Variants in CCER2 observed in about 807,000 individuals in gnomAD.
CCER2 encodes coiled-coil domain-containing glutamate-rich protein 2.
A neutral mutation model predicts 27.1 loss-of-function variants in CCER2; 20 were observed. The observed-to-expected ratio is 0.74, with a 90% confidence interval of 0.52 to 1.07. The LOEUF is 1.07. CCER2 is among the 50% of genes least tolerant of loss of function. The pLI, the probability that CCER2 is intolerant of heterozygous loss-of-function variation, is 0.00. For missense variants in CCER2, 351 were observed against 344.7 expected (o/e 1.02, Z -0.14); for synonymous variants, 140 against 144.3 (o/e 0.97, Z 0.21).
chr19:38,909,126 T>C lies in CCER2; in HGVS notation c.*110A>G. ...GTGGTTCCAAGGCACGTCCGCCTCC[T>C]CCCCTGTTTGGGTAGGGGTGGCGTG... On this transcript the variant is annotated 3_prime_UTR_variant, in exon 5 of 5. Coordinates refer to ENST00000571838, the MANE Select transcript of CCER2 (RefSeq NM_001243212.2). 8.3e-7 allele frequency: 1 copy of C among 1,209,002 alleles called. No individual in the cohort carries two copies. The highest frequency in any genetic ancestry group is 1.2e-6 in the Non-Finnish European group (1 of 863,814). The allele number at this position is 1,209,002 out of a possible 1,614,324, so 74.9% of individuals were successfully genotyped here.
At chr19:38,911,418 T>G (rs1600157055) in intron 3 of CCER2, 148 bp downstream of exon 3, 14 of 714,312 alleles carry the variant, frequency 2.0e-5, no homozygotes, top group Non-Finnish European at 3.2e-5. Flanking sequence ...GCCCCGCTGG[T>G]CCAGGCAACA....
Position 38,909,244 on chromosome 19 carries a change from C to T in CCER2, c.793G>A (p.Glu265Lys), listed in dbSNP as rs1974252155. ...TETLGEQLRR[E>K]G ...AGGGACTGAGGTAGGGGTCAGCCCTCCCTCCTGAGCTGCTCCCCCAGCGTC... is the reference window on the plus strand; with the variant it reads ...AGGGACTGAGGTAGGGGTCAGCCCTTCCTCCTGAGCTGCTCCCCCAGCGTC... Residue 265 changes from glutamate to lysine, a missense_variant, in exon 5 of 5, where the codon GAG (glutamate) becomes AAG (lysine). Coordinates refer to ENST00000571838, the MANE Select transcript of CCER2 (RefSeq NM_001243212.2). 1.3e-6 allele frequency: 2 copies of T among 1,535,212 alleles called. No individual in the cohort carries two copies. Among genetic ancestry groups the T allele is most frequent in the African/African-American group, 1.4e-5 (1 of 73,034 alleles).
rs778971806 is a variant in CCER2, at chr19:38,910,906, C to A, written c.368G>T (p.Arg123Leu). 20 of 1,515,002 alleles carry A rather than the reference C, an allele frequency of 1.3e-5. No individual in the cohort carries two copies. The highest frequency in any genetic ancestry group is 1.8e-5 in the Non-Finnish European group (20 of 1,136,438). The allele number at this position is 1,515,002 out of a possible 1,614,324, so 93.8% of individuals were successfully genotyped here. ...GTGGAGCTGGCGATGCCCTTGCATG[C>A]GGATGGCTTGTTCCTGGACCTCAGA... ...HKSEVQEQAI[R>L]MQGHRQLHQE... The change falls in exon 4 of 5, where the codon CGC (arginine) becomes CTC (leucine). Residue 123 changes from arginine to leucine, a missense_variant. Transcript: ENST00000571838.
intron 4 of CCER2, 122 bp from the exon 5 acceptor site, chr19:38,909,447 G>T: frequency 1.1e-6 from 1 of 901,736 alleles, no homozygotes; most frequent in Non-Finnish European, 1.7e-6. Flanking sequence ...TCTGATCGTC[G>T]TGGACCGCGA....
At chr19:38,911,685 G>C in intron 2 of CCER2, 32 bp from the exon 3 acceptor site, 1 of 1,532,648 alleles carries the variant, frequency 6.5e-7, no homozygotes, top group Non-Finnish European at 8.7e-7. Context: ...TCAGAGGGGA[G>C]GTTGAGGGCA....
In CCER2 at chr19:38,909,028, A is replaced by T; in HGVS notation, c.*208T>A. ...CTCAGAAGGGTTGGAGTGGGAGTGC[A>T]TAGGTGTGGGGGTGCTTCCTGTGTC... On this transcript the variant is annotated 3_prime_UTR_variant, in exon 5 of 5. Coordinates refer to ENST00000571838, the MANE Select transcript of CCER2 (RefSeq NM_001243212.2). The T allele has an allele frequency of 2.1e-6, 2 of 971,310 alleles. No individual in the cohort carries two copies. Among genetic ancestry groups the T allele is most frequent in the Non-Finnish European group, 3.0e-6 (2 of 670,074 alleles). 60.2% of individuals were successfully genotyped at this position (971,310 alleles called of 1,614,324 possible). A position where few individuals can be genotyped will look rare whatever the true frequency, so the allele number is the denominator to read the frequency against.
At chr19:38,911,693 G>T in intron 2 of CCER2, 40 bp from the exon 3 acceptor site, 2 of 1,529,866 alleles carry the variant, frequency 1.3e-6, no homozygotes, top group Non-Finnish European at 1.8e-6. Context: ...GAGGTTGAGG[G>T]CAGGGGAGAT....
At chr19:38,909,538 T>C (rs565707714) in intron 4 of CCER2, among the ~76,000 whole-genome samples, 97 of 152,258 alleles carry the variant, frequency 6.4e-4, no homozygotes, top group African/African-American at 2.1e-3. Flanking sequence ...AGCTTGGCAC[T>C]GGCAAAGGTG....
chr19:38,911,136 C>A, intron 3 of CCER2, 53 bp from the exon 4 acceptor site: 42 of 1,391,428 alleles, frequency 3.0e-5, no homozygotes, highest in Non-Finnish European at 3.9e-5. Context: ...AAACTGAGGC[C>A]GAGTATGGAG....
At chr19:38,911,976 G>A (rs1361668531) in intron 1 of CCER2, 122 bp downstream of exon 1, 3 of 1,464,746 alleles carry the variant, frequency 2.0e-6, no homozygotes, top group Non-Finnish European at 2.7e-6. Context: ...CGGGTGTACT[G>A]TCCCCCGCTG....
intron 1 of CCER2, 89 bp from the exon 2 acceptor site, chr19:38,911,941 C>T: frequency 6.6e-7 from 1 of 1,505,768 alleles, no homozygotes. Flanking sequence ...CCGGTCCCCA[C>T]ACATCCCCTC....
At position 38,910,845 on chromosome 19, in the gene CCER2, C is replaced by T; in HGVS notation, c.429G>A (p.Arg143=). The T allele has an allele frequency of 1.3e-6, 2 of 1,527,430 alleles. No homozygotes were observed. Among genetic ancestry groups the T allele is most frequent in the South Asian group, 2.4e-5 (2 of 82,296 alleles). The allele number at this position is 1,527,430 out of a possible 1,614,324, so 94.6% of individuals were successfully genotyped here. The change falls in exon 4 of 5, where the codon AGG becomes AGA. Residue 143 remains arginine, a synonymous_variant. Transcript: ENST00000571838. ...CAAAGGTCTCCATGGGCCCCCTCTTCCTCTCCTCCTTCTCCTCCTCCTCGT... is the reference window on the plus strand; with the variant it reads ...CAAAGGTCTCCATGGGCCCCCTCTTTCTCTCCTCCTTCTCCTCCTCCTCGT... ...EEDEEEEKEE[R]KRGPMETFED... is the part of the protein sequence containing the mutation.
In CCER2 at chr19:38,910,905, G is replaced by A. The variant is rs1398635989; in HGVS notation, c.369C>T (p.Arg123=). Residue 123 remains arginine (R), a synonymous_variant, in exon 4 of 5, where the codon CGC becomes CGT. Coordinates refer to ENST00000571838, the MANE Select transcript of CCER2 (RefSeq NM_001243212.2). ...GGTGGAGCTGGCGATGCCCTTGCATGCGGATGGCTTGTTCCTGGACCTCAG... is the reference window on the plus strand; with the variant it reads ...GGTGGAGCTGGCGATGCCCTTGCATACGGATGGCTTGTTCCTGGACCTCAG... The part of the protein sequence containing the change: ...HKSEVQEQAI[R]MQGHRQLHQE... 6.6e-7 allele frequency: 1 copy of A among 1,515,756 alleles called. No homozygotes were observed. The highest frequency in any genetic ancestry group is 1.3e-5 in the South Asian group (1 of 79,720). 93.9% of individuals were successfully genotyped at this position (1,515,756 alleles called of 1,614,324 possible).
At chr19:38,912,039 C>G in intron 1 of CCER2, 59 bp downstream of exon 1, 1 of 1,512,714 alleles carries the variant, frequency 6.6e-7, no homozygotes, top group Non-Finnish European at 8.8e-7. Context: ...CCCCCTCCCA[C>G]TGGAGTCCCC....
chr19:38,911,730 C>A, intron 2 of CCER2, 77 bp from the exon 3 acceptor site: 1 of 1,525,984 alleles, frequency 6.6e-7, no homozygotes, highest in Non-Finnish European at 8.8e-7. Context: ...GGTTTGAGGG[C>A]AATGAGGATC....
At position 38,909,228 on chromosome 19, in the gene CCER2, G is replaced by A. The variant is rs1568418426; in HGVS notation, c.*8C>T. ...TGTGTCAGGAGGAAGGAGGGACTGAGGTAGGGGTCAGCCCTCCCTCCTGAG... is the reference window on the plus strand; with the variant it reads ...TGTGTCAGGAGGAAGGAGGGACTGAAGTAGGGGTCAGCCCTCCCTCCTGAG... On this transcript the variant is annotated 3_prime_UTR_variant, in exon 5 of 5. Transcript: ENST00000571838. 1.0e-5 allele frequency: 16 copies of A among 1,534,924 alleles called. No homozygotes were observed. The highest frequency in any genetic ancestry group is 1.4e-5 in the Non-Finnish European group (16 of 1,146,350).
At chr19:38,912,010 C>T in intron 1 of CCER2, 88 bp downstream of exon 1, 1 of 1,487,702 alleles carries the variant, frequency 6.7e-7, no homozygotes, top group South Asian at 1.3e-5. Context: ...TGAAGCCTCT[C>T]CACTGGGTGC....
rs183666180 is a variant in CCER2 at position 38,909,342 on chromosome 19, C to T, written c.712-17G>A. 174 of 1,535,232 alleles carry T rather than the reference C, an allele frequency of 1.1e-4. 1 individual carries two copies. In the African/African-American group the frequency reaches 1.7e-3, roughly 15 times the overall value. On this transcript the variant is annotated splice_polypyrimidine_tract_variant and intron_variant, in intron 4 of 4. Coordinates refer to ENST00000571838, the MANE Select transcript of CCER2 (RefSeq NM_001243212.2). ...CTCCTTTTCCTGGTGGGGTCAGAAA[C>T]GGGGTAGTCAGCACCCACCTTCAAA...
chr19:38,910,573 G>C lies in CCER2; in HGVS notation c.701C>G (p.Ser234Trp), dbSNP rs914728740. 1.0e-5 allele frequency: 15 copies of C among 1,481,474 alleles called. No individual in the cohort carries two copies. The East Asian group carries it at 2.2e-4, about 22-fold the overall frequency. 91.8% of individuals were successfully genotyped at this position (1,481,474 alleles called of 1,614,324 possible). ...CATCCCCCTACTCACCTCCCTCTCC[G>C]AAGCCTCCTCCTTCTCCTGCCTGGG... Reference protein sequence around the residue: ...AEPRQEKEEASEREEKEVEQL... With the variant: ...AEPRQEKEEAWEREEKEVEQL... The change falls in exon 4 of 5, where the codon TCG becomes TGG. Residue 234 changes from serine (S) to tryptophan (W), a missense_variant. Transcript: ENST00000571838.
Sources: gnomAD v4.1 joint callset for allele counts (sites outside exome capture counted in the v4.1 genomes callset) on GRCh38, gnomAD v4.1.1 for gene constraint, MANE v1.5 for transcripts, NCBI Gene and HGNC (gene_info 2026-07-23, HGNC 2026-07-21) for gene names.